Variants in SMG6 observed in about 807,000 individuals in gnomAD.
SMG6 encodes SMG6 nonsense mediated mRNA decay factor.
SMG6 carries 66 observed loss-of-function variants against 142.2 expected under a neutral mutation model. The ratio of observed to expected loss-of-function variants is 0.46; its 90% confidence interval spans 0.38 to 0.57. The LOEUF is 0.57. Ranked by LOEUF, SMG6 falls within the 20% of genes least tolerant of loss-of-function variation. The pLI is 0.00. For missense variants in SMG6, 1,793 were observed against 1,832.0 expected, an observed-to-expected ratio of 0.98 and a Z score of 0.39; for synonymous variants, 779 against 702.4, an observed-to-expected ratio of 1.11 and a Z score of -1.72.
chr17:2,173,973 A>T (rs2071584943), intron 12 of SMG6, among the ~76,000 whole-genome samples: 1 of 151,342 alleles, frequency 6.6e-6, no homozygotes, highest in South Asian at 2.1e-4. Context: ...AGGAGTCTGG[A>T]ACAGATAATA....
intron 12 of SMG6, among the ~76,000 whole-genome samples, chr17:2,184,736 G>A (rs943385886): frequency 9.3e-5 from 14 of 150,202 alleles, no homozygotes; most frequent in South Asian, 4.2e-4. Flanking sequence ...AGGCTGAGGC[G>A]GGTGGATTGC....
At chr17:2,098,005 G>C (rs11868391) in intron 13 of SMG6, among the ~76,000 whole-genome samples, 1 of 151,796 alleles carries the variant, frequency 6.6e-6, no homozygotes, top group Admixed American at 6.6e-5. Flanking sequence ...CTTGGGGGGC[G>C]GGGGACAGGG....
At chr17:2,288,620 T>C (rs1247941145) in intron 6 of SMG6, among the ~76,000 whole-genome samples, 1 of 77,736 alleles carries the variant, frequency 1.3e-5, no homozygotes, top group Admixed American at 1.4e-4. Flanking sequence ...CTTCTCTCAA[T>C]TAAAAAAAAA....
At chr17:2,116,404 T>A (rs1218731049) in intron 13 of SMG6, among the ~76,000 whole-genome samples, 1 of 152,098 alleles carries the variant, frequency 6.6e-6, no homozygotes, top group East Asian at 1.9e-4. Flanking sequence ...TAACTAAGAT[T>A]TGTGTTCATA....
chr17:2,201,225 G>A (rs1488259548), intron 10 of SMG6, among the ~76,000 whole-genome samples: 7 of 152,144 alleles, frequency 4.6e-5, no homozygotes, highest in Non-Finnish European at 7.3e-5. Context: ...TATATGGATG[G>A]CAAGTAGGTA....
Position 2,292,903 on chromosome 17 carries a change from G to A in SMG6, c.2226C>T (p.Ala742=). 1 of 1,614,078 alleles carries A rather than the reference G, an allele frequency of 6.2e-7. No homozygotes were observed. The highest frequency in any genetic ancestry group is 8.5e-7 in the Non-Finnish European group (1 of 1,179,990). The change falls in exon 5 of 19, where the codon GCC becomes GCT. Residue 742 remains alanine (A), a synonymous_variant. Transcript: ENST00000263073. ...QGDIARYREQ[A]SDTANYGKAR... is the part of the protein sequence containing the mutation. Reference sequence around the variant, plus strand: ...CTTTCCCATAATTCGCTGTATCACTGGCTTGCTCCCGGTACCTAGCAATAT... The same window carrying A: ...CTTTCCCATAATTCGCTGTATCACTAGCTTGCTCCCGGTACCTAGCAATAT...
chr17:2,222,706 G>A (rs2073211756), intron 10 of SMG6, among the ~76,000 whole-genome samples: 3 of 152,076 alleles, frequency 2.0e-5, no homozygotes, highest in Non-Finnish European at 4.4e-5. Context: ...GGGAAGGAAC[G>A]AGAGAGGTAA....
At position 2,257,370 on chromosome 17, in the gene SMG6, G is replaced by C. The variant is rs934855603; in HGVS notation, c.2662-12651C>G. 2.6e-5 allele frequency among the ~76,000 whole-genome samples: 4 copies of C among 152,128 alleles called. No individual in the cohort carries two copies. In the South Asian group the frequency reaches 8.3e-4, roughly 32 times the overall value. ...TGGGATTACAGGCGTGAGCCACTGCGCCCGGCCAAAAGAATCCTGTGCCTC... is the reference window on the plus strand; with the variant it reads ...TGGGATTACAGGCGTGAGCCACTGCCCCCGGCCAAAAGAATCCTGTGCCTC... On this transcript the variant is annotated intron_variant, in intron 8 of 18. Coordinates refer to ENST00000263073, the MANE Select transcript of SMG6 (RefSeq NM_017575.5).
intron 8 of SMG6, among the ~76,000 whole-genome samples, chr17:2,261,034 C>T (rs1474050539): frequency 1.3e-5 from 2 of 151,142 alleles, no homozygotes; most frequent in Non-Finnish European, 2.9e-5. Flanking sequence ...AAGTCGGGCG[C>T]GGTGGCTCAC....
chr17:2,082,272 C>A, intron 14 of SMG6: 1 of 269,560 alleles, frequency 3.7e-6, no homozygotes, highest in Non-Finnish European at 7.1e-6. Context: ...TACACACTCA[C>A]AAAGTCAAAC....
chr17:2,188,472 G>C lies in SMG6; in HGVS notation c.2913C>G (p.Ala971=). 1 of 1,614,120 alleles carries C rather than the reference G, an allele frequency of 6.2e-7. No homozygotes were observed. The highest frequency in any genetic ancestry group is 8.5e-7 in the Non-Finnish European group (1 of 1,180,008). ...AAAACATGGCCAAGCCCAGAGCTGCGGCTTGTTCCTGGATCACAGAGCGGC... is the reference window on the plus strand; with the variant it reads ...AAAACATGGCCAAGCCCAGAGCTGCCGCTTGTTCCTGGATCACAGAGCGGC... The part of the protein sequence containing the change: ...EECRSVIQEQ[A]AALGLAMFSL... The change falls in exon 11 of 19, where the codon GCC becomes GCG. Residue 971 remains alanine, a synonymous_variant. Coordinates refer to ENST00000263073, the MANE Select transcript of SMG6 (RefSeq NM_017575.5).
intron 1 of SMG6, 54 bp downstream of exon 1, chr17:2,303,579 G>T: frequency 7.3e-7 from 1 of 1,375,328 alleles, no homozygotes; most frequent in South Asian, 1.6e-5. Context: ...AGAGGAGGAG[G>T]AGAGGGAGGC....
intron 12 of SMG6, among the ~76,000 whole-genome samples, 175 bp downstream of exon 12, chr17:2,186,488 A>G (rs1480780584): frequency 6.6e-6 from 1 of 152,168 alleles, no homozygotes; most frequent in African/African-American, 2.4e-5. Context: ...ACAGGAAAAA[A>G]TAACCTAAAA....
chr17:2,068,864 G>C lies in SMG6; in HGVS notation c.3749C>G (p.Pro1250Arg). 1 of 1,614,202 alleles carries C rather than the reference G, an allele frequency of 6.2e-7. No homozygotes were observed. The highest frequency in any genetic ancestry group is 8.5e-7 in the Non-Finnish European group (1 of 1,180,030). Reference protein sequence around the residue: ...ELEIRPLFLVPDTNGFIDHLA... With the variant: ...ELEIRPLFLVRDTNGFIDHLA... ...GTGGTCAATGAAGCCGTTGGTGTCT[G>C]GTACGAGGAACAAAGGTCTGATTTC... The change falls in exon 16 of 19, where the codon CCA becomes CGA. Residue 1250 changes from proline to arginine, a missense_variant. Transcript: ENST00000263073. The surrounding 1 kb of genome is among the most constrained non-coding windows in gnomAD (Gnocchi z 6.7).
chr17:2,232,231 A>G (rs1419080283), intron 10 of SMG6, among the ~76,000 whole-genome samples: 2 of 152,130 alleles, frequency 1.3e-5, no homozygotes. Context: ...TCCTTAAATT[A>G]CAAAATTTTT....
At chr17:2,066,649 G>T (rs2067957796) in intron 16 of SMG6, among the ~76,000 whole-genome samples, 2 of 27,098 alleles carry the variant, frequency 7.4e-5, no homozygotes, top group Non-Finnish European at 1.5e-4. Flanking sequence ...GCCCATGTGG[G>T]AATACACACA....
intron 8 of SMG6, among the ~76,000 whole-genome samples, chr17:2,252,232 A>C (rs1207827108): frequency 6.6e-6 from 1 of 152,120 alleles, no homozygotes; most frequent in Non-Finnish European, 1.5e-5. Context: ...GCCAACGGTG[A>C]AACCCCGTCT....
At chr17:2,078,763 A>T (rs1369828793) in intron 15 of SMG6, among the ~76,000 whole-genome samples, 1 of 152,188 alleles carries the variant, frequency 6.6e-6, no homozygotes, top group African/African-American at 2.4e-5. Context: ...AATGGTGGTG[A>T]GGAAGCCCAG....
At chr17:2,143,510 G>C (rs2070554713) in intron 13 of SMG6, among the ~76,000 whole-genome samples, 1 of 152,186 alleles carries the variant, frequency 6.6e-6, no homozygotes, top group African/African-American at 2.4e-5. Flanking sequence ...CCATTCATAT[G>C]AAAGAAGCAG....
Sources: gnomAD v4.1 joint callset for allele counts (sites outside exome capture counted in the v4.1 genomes callset) on GRCh38, gnomAD v4.1.1 for gene constraint, Gnocchi (gnomAD v3.1) non-coding constraint, MANE v1.5 for transcripts, NCBI Gene and HGNC (gene_info 2026-07-23, HGNC 2026-07-21) for gene names.